The following CHSY3 variants were observed in gnomAD, a reference collection of about 807,000 sequenced individuals.
The protein encoded by CHSY3 is N-acetylgalactosaminyl-proteoglycan 3-beta-glucuronosyltransferase 3.
CHSY3 carries 35 observed loss-of-function variants against 67.2 expected under a neutral mutation model. The ratio of observed to expected loss-of-function variants is 0.52; its 90% confidence interval spans 0.40 to 0.69. CHSY3 has a LOEUF of 0.69. Ranked by LOEUF, CHSY3 falls within the 30% of genes least tolerant of loss-of-function variation. The pLI is 0.00. For synonymous variants in CHSY3, 474 were observed against 434.7 expected (o/e 1.09, Z -1.12); for missense variants, 1,069 against 1,138.5 (o/e 0.94, Z 0.88).
chr5:130,077,155 A>C (rs1766293080), intron 2 of CHSY3, among the ~76,000 whole-genome samples: 1 of 152,006 alleles, frequency 6.6e-6, no homozygotes. Flanking sequence ...GTAAACTACG[A>C]AAGAGAGTGA....
chr5:129,936,615 G>A (rs1252094741), intron 2 of CHSY3, among the ~76,000 whole-genome samples: 8 of 152,120 alleles, frequency 5.3e-5, no homozygotes, highest in Non-Finnish European at 7.4e-5. Context: ...GAGATCCCAG[G>A]CTAGATTTCT....
intron 2 of CHSY3, among the ~76,000 whole-genome samples, chr5:130,037,442 T>C (rs1337850650): frequency 6.6e-6 from 1 of 152,140 alleles, no homozygotes; most frequent in East Asian, 1.9e-4. Context: ...GGAAAAATTA[T>C]TTATAAAACA....
intron 2 of CHSY3, among the ~76,000 whole-genome samples, chr5:130,112,163 T>C (rs937497803): frequency 4.6e-5 from 7 of 152,090 alleles, no homozygotes; most frequent in Non-Finnish European, 7.4e-5. Context: ...GTAAGTACTA[T>C]AATTGGAGAT....
intron 2 of CHSY3, among the ~76,000 whole-genome samples, chr5:130,147,198 G>A (rs926250562): frequency 3.9e-5 from 6 of 152,092 alleles, no homozygotes; most frequent in African/African-American, 7.2e-5. Context: ...AAATAGCATC[G>A]TTCCATATCA....
At chr5:130,081,856 C>T (rs571389747) in intron 2 of CHSY3, among the ~76,000 whole-genome samples, 5 of 152,164 alleles carry the variant, frequency 3.3e-5, no homozygotes, top group Non-Finnish European at 5.9e-5. Flanking sequence ...TTCTTCATAG[C>T]AGTAAGAAAA....
At chr5:130,167,848 A>C (rs1288187921) in intron 2 of CHSY3, among the ~76,000 whole-genome samples, 3 of 152,108 alleles carry the variant, frequency 2.0e-5, no homozygotes, top group South Asian at 4.1e-4. Context: ...ACCCTGTGTC[A>C]GATACTAATT....
intron 2 of CHSY3, among the ~76,000 whole-genome samples, chr5:130,013,200 G>T (rs528730622): frequency 1.3e-5 from 2 of 152,172 alleles, no homozygotes; most frequent in Non-Finnish European, 2.9e-5. Context: ...GCTTTGCAGG[G>T]TACAGCCCCC....
chr5:129,957,847 CT>C (rs200009025), intron 2 of CHSY3, among the ~76,000 whole-genome samples: 6 of 151,758 alleles, frequency 4.0e-5, no homozygotes, highest in African/African-American at 1.5e-4. Context: ...ATCTGGGTTT[CT>C]TTTTTTTCTA....
chr5:130,034,098 A>T (rs751636315), intron 2 of CHSY3, among the ~76,000 whole-genome samples: 2 of 152,084 alleles, frequency 1.3e-5, no homozygotes, highest in Non-Finnish European at 2.9e-5. Flanking sequence ...CGTTCCCCAG[A>T]TGTTTGTTTG....
At chr5:129,982,172 G>C (rs942300226) in intron 2 of CHSY3, among the ~76,000 whole-genome samples, 1 of 151,786 alleles carries the variant, frequency 6.6e-6, no homozygotes, top group African/African-American at 2.4e-5. Context: ...CTTGCTGTTA[G>C]GTTCTTTATA....
chr5:130,088,298 A>T (rs1766737210), intron 2 of CHSY3, among the ~76,000 whole-genome samples: 1 of 150,960 alleles, frequency 6.6e-6, no homozygotes. Context: ...CATTCAGGAC[A>T]TAGGCATGGG....
rs545245802 is a variant in CHSY3 at position 130,142,134 on chromosome 5, G to A, written c.1087-42095G>A. On this transcript the variant is annotated intron_variant, in intron 2 of 2. Transcript: ENST00000305031. The stretch of plus-strand genomic sequence containing the variant: ...CATAACTTTGCACTTTATAAGTACT[G>A]TATTATAAGTGGAAAAGGTAATGTC... Among the ~76,000 whole-genome samples, 5 of 152,266 alleles carry A rather than the reference G, an allele frequency of 3.3e-5. No individual in the cohort carries two copies. In the East Asian group the frequency reaches 7.7e-4, roughly 24 times the overall value.
chr5:129,905,316 G>A lies in CHSY3; in HGVS notation c.487G>A (p.Ala163Thr). ...CAACGGCAGCGGGGACGGGGGCGCTGCCGCCCCGAGCGCCCGACCCCGGGA... is the reference window on the plus strand; with the variant it reads ...CAACGGCAGCGGGGACGGGGGCGCTACCGCCCCGAGCGCCCGACCCCGGGA... The part of the protein sequence containing the change: ...SHNGSGDGGA[A>T]APSARPRDFL... Residue 163 changes from alanine to threonine, a missense_variant, in exon 1 of 3, where the codon GCC (alanine) becomes ACC (threonine). Coordinates refer to ENST00000305031, the MANE Select transcript of CHSY3 (RefSeq NM_175856.5). 1.3e-6 allele frequency: 2 copies of A among 1,517,318 alleles called. No homozygotes were observed. Among genetic ancestry groups the A allele is most frequent in the Non-Finnish European group, 1.8e-6 (2 of 1,136,864 alleles). The allele number at this position is 1,517,318 out of a possible 1,614,324, so 94.0% of individuals were successfully genotyped here. A position where few individuals can be genotyped will look rare whatever the true frequency, so the allele number is the denominator to read the frequency against.
In CHSY3 at chr5:129,930,975, G is replaced by A. The variant is rs568462605; in HGVS notation, c.1086+22615G>A. 4.6e-5 allele frequency among the ~76,000 whole-genome samples: 7 copies of A among 152,132 alleles called. No homozygotes were observed. In the East Asian group the frequency reaches 7.7e-4, roughly 17 times the overall value. On this transcript the variant is annotated intron_variant, in intron 2 of 2. Transcript: ENST00000305031. ...GCACATCAGTCTTTCCATTTCAGTCGGTTTTAAATTGCCTTTGTCTCAGCC... is the reference window on the plus strand; with the variant it reads ...GCACATCAGTCTTTCCATTTCAGTCAGTTTTAAATTGCCTTTGTCTCAGCC...
chr5:130,104,734 T>C (rs1364541193), intron 2 of CHSY3, among the ~76,000 whole-genome samples: 3 of 151,866 alleles, frequency 2.0e-5, no homozygotes, highest in Non-Finnish European at 3.0e-5. Flanking sequence ...TTAATGAATA[T>C]GAATTAACAA....
At chr5:129,960,453 A>G (rs183581870) in intron 2 of CHSY3, among the ~76,000 whole-genome samples, 2 of 152,136 alleles carry the variant, frequency 1.3e-5, no homozygotes, top group East Asian at 3.9e-4. Flanking sequence ...TTGTGAAATG[A>G]CTTGGGAAAT....
At chr5:129,986,156 G>C (rs1209131636) in intron 2 of CHSY3, among the ~76,000 whole-genome samples, 1 of 152,166 alleles carries the variant, frequency 6.6e-6, no homozygotes, top group East Asian at 1.9e-4. Context: ...GCTGTTGGCT[G>C]TGGTTTTGTC....
At chr5:129,907,019 C>T (rs1760331359) in intron 1 of CHSY3, among the ~76,000 whole-genome samples, 2 of 152,164 alleles carry the variant, frequency 1.3e-5, no homozygotes, top group African/African-American at 4.8e-5. Context: ...GGTCTCATTA[C>T]ATTTTTAACA....
chr5:129,946,480 G>A (rs1761858026), intron 2 of CHSY3, among the ~76,000 whole-genome samples: 1 of 152,122 alleles, frequency 6.6e-6, no homozygotes, highest in Non-Finnish European at 1.5e-5. Flanking sequence ...AGTATTCATA[G>A]ATAATTTTGT....
Sources: gnomAD v4.1 joint callset for allele counts (sites outside exome capture counted in the v4.1 genomes callset) on GRCh38, gnomAD v4.1.1 for gene constraint, MANE v1.5 for transcripts, NCBI Gene and HGNC (gene_info 2026-07-23, HGNC 2026-07-21) for gene names.